Variants in GPN1 observed in about 807,000 individuals in gnomAD.
GPN1 encodes the protein GPN-loop GTPase 1.
In GPN1, 44 loss-of-function variants were observed where a neutral mutation model predicts 55.9. The observed-to-expected ratio is 0.79, with a 90% CI of 0.62 to 1.01. The LOEUF is 1.01. GPN1 is among the 50% of genes least tolerant of loss of function. The pLI, the probability that GPN1 is intolerant of heterozygous loss-of-function variation, is 0.00. For missense variants in GPN1, 466 were observed against 462.8 expected (o/e 1.01, Z -0.06); for synonymous variants, 179 against 162.5 (o/e 1.10, Z -0.77).
chr2:27,632,806 G>A (rs1673602129), intron 5 of GPN1, 136 bp downstream of exon 5: 3 of 619,140 alleles, frequency 4.8e-6, no homozygotes, highest in Non-Finnish European at 8.7e-6. Flanking sequence ...AAAAAAATTG[G>A]CAAATCATTA....
In GPN1 at chr2:27,651,290, T is replaced by C. The variant is rs903300436; in HGVS notation, c.*1090T>C. ...ATTGTTCAACTTACCTCTTATAACC[T>C]ATGAACTCAGAAACCCTGGGGGTGG... On this transcript the variant is annotated 3_prime_UTR_variant, in exon 14 of 14. Transcript: ENST00000610189. 6.6e-6 allele frequency: 1 copy of C among 152,220 alleles called. No individual in the cohort carries two copies. The highest frequency in any genetic ancestry group is 1.5e-5 in the Non-Finnish European group (1 of 68,064). 9.4% of individuals were successfully genotyped at this position (152,220 alleles called of 1,614,324 possible).
At chr2:27,637,415 A>G (rs940920726) in intron 7 of GPN1, among the ~76,000 whole-genome samples, 4 of 152,174 alleles carry the variant, frequency 2.6e-5, no homozygotes, top group African/African-American at 9.6e-5. Flanking sequence ...GTTCAAACCT[A>G]TGTTGTTTAA....
At chr2:27,631,154 C>T (rs1409333642) in intron 3 of GPN1, 88 bp downstream of exon 3, 4 of 735,314 alleles carry the variant, frequency 5.4e-6, no homozygotes, top group African/African-American at 3.5e-5. Context: ...TTTGCCTTTT[C>T]CTTGTGAAAT....
In GPN1 at chr2:27,633,451, G is replaced by GGCC. The variant is rs1174092126; in HGVS notation, c.350+781_350+782insGCC. 2.2e-3 allele frequency among the ~76,000 whole-genome samples: 328 copies of GGCC among 152,218 alleles called. 3 individuals carry two copies. Among genetic ancestry groups the GGCC allele is most frequent in the African/African-American group, 7.2e-3 (298 of 41,538 alleles). On this transcript the variant is annotated intron_variant, in intron 5 of 13. Transcript: ENST00000610189. ...CTCCCAAGTAGCTGGGACTACAGGT[G>GGCC]TGAGCCACCACACCTGGCTAATTTT...
At position 27,650,175 on chromosome 2, in the gene GPN1, A is replaced by G; in HGVS notation, c.1100A>G (p.Gln367Arg). The change falls in exon 14 of 14, where the codon CAA (glutamine) becomes CGA (arginine). Residue 367 changes from glutamine to arginine, a missense_variant. Physicochemically the swap from Gln to Arg is conservative, Grantham distance 43. Transcript: ENST00000610189. ...AATTTTATGCAAGAATCGATGGCACAATACTGGAAGAGAAACAATAAATAG... is the reference window on the plus strand; with the variant it reads ...AATTTTATGCAAGAATCGATGGCACGATACTGGAAGAGAAACAATAAATAG... ...FQNFMQESMA[Q>R]YWKRNNK The G allele has an allele frequency of 6.2e-7, 1 of 1,601,318 alleles. No homozygotes were observed. Among genetic ancestry groups the G allele is most frequent in the African/African-American group, 1.3e-5 (1 of 74,794 alleles).
chr2:27,642,873 T>G (rs900123300), intron 12 of GPN1, among the ~76,000 whole-genome samples: 5 of 150,932 alleles, frequency 3.3e-5, no homozygotes, highest in African/African-American at 9.8e-5. Flanking sequence ...CCGGTTACAC[T>G]TATTTCTATC....
In GPN1 at chr2:27,642,476, A is replaced by G. The variant is rs765524715; in HGVS notation, c.888A>G (p.Arg296=). 1.2e-5 allele frequency: 20 copies of G among 1,613,728 alleles called. No homozygotes were observed. Among genetic ancestry groups the G allele is most frequent in the South Asian group, 7.7e-5 (7 of 91,070 alleles). Residue 296 remains arginine, a synonymous_variant, in exon 12 of 14, where the codon CGA becomes CGG. Transcript: ENST00000610189. ...QQQREQLERL[R]KDMGSVALDA... is the part of the protein sequence containing the mutation. ...AGAGAGAACAACTGGAACGCCTTCG[A>G]AAAGATATGGGTTCTGTAGCCTTGG...
chr2:27,642,675 TGCCTCA>T (rs1403815276), intron 12 of GPN1, among the ~76,000 whole-genome samples, 156 bp downstream of exon 12: 1 of 152,168 alleles, frequency 6.6e-6, no homozygotes, highest in Non-Finnish European at 1.5e-5. Context: ...GCAGTTCTCC[TGCCTCA>T]GCCTTCCTGA....
intron 12 of GPN1, among the ~76,000 whole-genome samples, chr2:27,644,862 G>C (rs780587792): frequency 6.6e-6 from 1 of 151,068 alleles, no homozygotes; most frequent in Non-Finnish European, 1.5e-5. Flanking sequence ...AGCGATTTGA[G>C]ATGCTACGTG....
chr2:27,634,900 T>A lies in GPN1; in HGVS notation c.405T>A (p.Ser135=). The A allele has an allele frequency of 6.3e-7, 1 of 1,598,568 alleles. No homozygotes were observed. Among genetic ancestry groups the A allele is most frequent in the Non-Finnish European group, 8.6e-7 (1 of 1,165,756 alleles). ...GQIEVFTWSA[S]GTIITEALAS... is the part of the protein sequence containing the mutation. ...TTGAGGTATTCACCTGGTCAGCTTC[T>A]GGGACAATTATCACTGAAGCCCTTG... Residue 135 remains serine (S), a synonymous_variant, in exon 6 of 14, where the codon TCT becomes TCA. Coordinates refer to ENST00000610189, the MANE Select transcript of GPN1 (RefSeq NM_007266.4).
intron 5 of GPN1, 128 bp downstream of exon 5, chr2:27,632,798 A>G: frequency 1.6e-6 from 1 of 640,762 alleles, no homozygotes; most frequent in East Asian, 2.7e-5. Context: ...GGAGTGAAAA[A>G]AAAATTGGCA....
At chr2:27,647,629 A>G (rs976297916) in intron 12 of GPN1, among the ~76,000 whole-genome samples, 5 of 152,250 alleles carry the variant, frequency 3.3e-5, no homozygotes, top group Non-Finnish European at 5.9e-5. Flanking sequence ...TGGGACTCCT[A>G]GGGCTATTTG....
At position 27,634,781 on chromosome 2, in the gene GPN1, T is replaced by C. The variant is rs1241349777; in HGVS notation, c.351-65T>C. On this transcript the variant is annotated intron_variant, in intron 5 of 13. Transcript: ENST00000610189. Reference sequence around the variant, plus strand: ...GGATAACCAGATGTTTATTGTCTTATATGATGGAATATCCTTCAGCATAAC... The same window carrying C: ...GGATAACCAGATGTTTATTGTCTTACATGATGGAATATCCTTCAGCATAAC... 36 of 914,698 alleles carry C rather than the reference T, an allele frequency of 3.9e-5. No homozygotes were observed. In the East Asian group the frequency reaches 7.9e-4, roughly 20 times the overall value. The allele number at this position is 914,698 out of a possible 1,614,324, so 56.7% of individuals were successfully genotyped here.
At chr2:27,641,189 A>C (rs1296313245) in intron 10 of GPN1, 51 bp from the exon 11 acceptor site, 1 of 1,204,708 alleles carries the variant, frequency 8.3e-7, no homozygotes, top group Non-Finnish European at 1.2e-6. Flanking sequence ...GTGGAGAGTC[A>C]GTAGGATAGA....
At chr2:27,635,298 C>CTTTTTTTTT in intron 7 of GPN1, 64 bp downstream of exon 7, 7 of 445,212 alleles carry the variant, frequency 1.6e-5, no homozygotes, top group East Asian at 5.0e-5. Flanking sequence ...CTTCTTCTTC[C>CTTTTTTTTT]TCTTTTTTTT....
chr2:27,628,477 T>A (rs1329495658), upstream of GPN1: 1 of 1,551,286 alleles, frequency 6.4e-7, no homozygotes, highest in East Asian at 2.4e-5. Context: ...AGCGCTAGCA[T>A]CAGGAACCTG....
chr2:27,642,190 T>C, intron 11 of GPN1: 1 of 411,822 alleles, frequency 2.4e-6, no homozygotes, highest in Non-Finnish European at 4.4e-6. Context: ...TTTTGAAACC[T>C]TTTTGTGTTC....
At chr2:27,638,095 T>C in intron 7 of GPN1, 115 bp from the exon 8 acceptor site, 1 of 643,458 alleles carries the variant, frequency 1.6e-6, no homozygotes, top group Non-Finnish European at 2.8e-6. Context: ...AATGGATGAC[T>C]ACTTTTTAGA....
At chr2:27,644,245 T>G (rs1035748818) in intron 12 of GPN1, among the ~76,000 whole-genome samples, 1 of 152,204 alleles carries the variant, frequency 6.6e-6, no homozygotes, top group African/African-American at 2.4e-5. Flanking sequence ...ATAAGAATTT[T>G]GTGGGGTGAT....
Sources: gnomAD v4.1 joint callset for allele counts (sites outside exome capture counted in the v4.1 genomes callset) on GRCh38, gnomAD v4.1.1 for gene constraint, MANE v1.5 for transcripts, NCBI Gene and HGNC (gene_info 2026-07-23, HGNC 2026-07-21) for gene names.